The following LINGO3 variants were observed in gnomAD, a reference collection of about 807,000 sequenced individuals.
The protein encoded by LINGO3 is leucine-rich repeat and immunoglobulin-like domain-containing nogo receptor-interacting protein 3.
For synonymous variants in LINGO3, 427 were observed against 444.2 expected, an observed-to-expected ratio of 0.96 and a Z score of 0.49; for missense variants, 750 against 867.7, an observed-to-expected ratio of 0.86 and a Z score of 1.70.
chr19:2,290,224 A>T lies in LINGO3; in HGVS notation c.1553T>A (p.Leu518Gln). 6.2e-7 allele frequency: 1 copy of T among 1,606,152 alleles called. No homozygotes were observed. Among genetic ancestry groups the T allele is most frequent in the Non-Finnish European group, 8.5e-7 (1 of 1,177,794 alleles). ...GGTGGTGAGGTCGAGCGGCGCGCGC[A>T]GGGCCGCCAGCGTCTCGTTGTGGGC... Residue 518 changes from leucine to glutamine, a missense_variant, in exon 1 of 1, where the codon CTG becomes CAG. Physicochemically the swap from Leu to Gln is moderately radical, Grantham distance 113 (BLOSUM62 -2). Coordinates refer to ENST00000585527, the Ensembl canonical transcript of LINGO3. This position sits in a 1 kb window ranked among gnomAD's most constrained non-coding sequence, Gnocchi z 6.0.
the LINGO3 span, among the ~76,000 whole-genome samples, chr19:2,304,833 G>C: frequency 6.8e-6 from 1 of 146,270 alleles, no homozygotes; most frequent in Non-Finnish European, 1.5e-5. Flanking sequence ...TCAGCCTCCT[G>C]AGAAGCTGGA....
the LINGO3 span, among the ~76,000 whole-genome samples, chr19:2,304,384 C>G: frequency 6.6e-6 from 1 of 152,160 alleles, no homozygotes; most frequent in Non-Finnish European, 1.5e-5. Flanking sequence ...TGAAGGCCTC[C>G]CCACAGCCAG....
At chr19:2,291,885 C>T (rs1331386397) in exon 1 of LINGO3, 1 of 948,214 alleles carries the variant, frequency 1.1e-6, no homozygotes, top group African/African-American at 1.7e-5. Flanking sequence ...GCGCCTCTGC[C>T]GCCAGCCCGC....
exon 1 of LINGO3, chr19:2,291,522 C>G: frequency 6.2e-7 from 1 of 1,609,272 alleles, no homozygotes; most frequent in Non-Finnish European, 8.5e-7. Flanking sequence ...CGTTCTCGCT[C>G]AGGTCCAGCT....
upstream of LINGO3, among the ~76,000 whole-genome samples, chr19:2,293,342 G>T (rs187004576): frequency 6.6e-6 from 1 of 151,102 alleles, no homozygotes; most frequent in East Asian, 2.0e-4. Flanking sequence ...GGGATTACAG[G>T]AGTGAGCCAC....
exon 1 of LINGO3, chr19:2,291,236 G>A (rs2025517379): frequency 3.7e-6 from 6 of 1,611,712 alleles, no homozygotes; most frequent in South Asian, 1.1e-5. Flanking sequence ...CAGCGCTCCA[G>A]GGTCAGCTCC....
chr19:2,299,182 C>T, the LINGO3 span, among the ~76,000 whole-genome samples: 11 of 152,168 alleles, frequency 7.2e-5, no homozygotes, highest in East Asian at 1.9e-3. Flanking sequence ...CTCCCCCACT[C>T]GACGGCCTGG....
At chr19:2,288,992 TG>T (rs2025490296), downstream of LINGO3, among the ~76,000 whole-genome samples, 1 of 150,612 alleles carries the variant, frequency 6.6e-6, no homozygotes, top group Non-Finnish European at 1.5e-5. The surrounding 1 kb of genome is among the most constrained non-coding windows in gnomAD (Gnocchi z 6.5). Context: ...GTGAGCTGTG[TG>T]TGTCCCAGAT....
exon 1 of LINGO3, chr19:2,291,758 C>T (rs2025526295): frequency 1.5e-6 from 2 of 1,379,058 alleles, no homozygotes. Context: ...AGGCTCAGGA[C>T]GCACAGCCAG....
upstream of LINGO3, among the ~76,000 whole-genome samples, chr19:2,296,997 CAGG>C: frequency 6.6e-6 from 1 of 151,690 alleles, no homozygotes; most frequent in East Asian, 2.0e-4. Context: ...GAGGCTGAGG[CAGG>C]AGAATGGCGT....
the LINGO3 span, among the ~76,000 whole-genome samples, chr19:2,301,401 C>T: frequency 7.1e-6 from 1 of 141,440 alleles, no homozygotes; most frequent in East Asian, 1.9e-4. Flanking sequence ...CCAGGAGCAC[C>T]CCCTTCCCAG....
rs775703955 is a variant in LINGO3, at chr19:2,290,787, G to A, written c.990C>T (p.Leu330=). ...GGAAGGTGCTCTCCTCCAACGTGGA[G>A]AGCAGGTTGTTGGAGAGGTTGAGCA... Residue 330 remains leucine (L), a synonymous_variant, in exon 1 of 1, where the codon CTC becomes CTT. Coordinates refer to ENST00000585527, the Ensembl canonical transcript of LINGO3. The surrounding 1 kb of genome is among the most constrained non-coding windows in gnomAD (Gnocchi z 6.0). The A allele has an allele frequency of 3.1e-6, 5 of 1,612,642 alleles. No individual in the cohort carries two copies. The highest frequency in any genetic ancestry group is 2.7e-5 in the African/African-American group (2 of 74,926).
upstream of LINGO3, among the ~76,000 whole-genome samples, chr19:2,292,226 G>A (rs1165780282): frequency 5.4e-5 from 8 of 148,658 alleles, no homozygotes; most frequent in Non-Finnish European, 1.0e-4. Context: ...TGGTTTTCAA[G>A]TAATTGTGAA....
At chr19:2,300,633 G>T in the LINGO3 span, among the ~76,000 whole-genome samples, 1 of 151,948 alleles carries the variant, frequency 6.6e-6, no homozygotes, top group South Asian at 2.1e-4. Context: ...CCCCGGCCAC[G>T]CGGAGCCAAC....
chr19:2,303,252 C>T, the LINGO3 span, among the ~76,000 whole-genome samples: 1 of 152,196 alleles, frequency 6.6e-6, no homozygotes, highest in African/African-American at 2.4e-5. Flanking sequence ...GGCGTCTTTC[C>T]CCCAGCGTCA....
chr19:2,292,041 A>G (rs1347941305), upstream of LINGO3: 3 of 455,266 alleles, frequency 6.6e-6, no homozygotes, highest in African/African-American at 6.3e-5. Context: ...ATAAAAGATG[A>G]GCCGCATGTG....
exon 1 of LINGO3, chr19:2,291,483 G>T (rs780465898): frequency 6.2e-6 from 10 of 1,612,362 alleles, no homozygotes; most frequent in East Asian, 2.2e-5. Flanking sequence ...GCAGGTTGGC[G>T]AAGGCGCCGG....
At position 2,290,438 on chromosome 19, in the gene LINGO3, G is replaced by A. The variant is rs778292411; in HGVS notation, c.1339C>T (p.Arg447Trp). ...CCCGCGCTGGTGGCCGTCACCGGCC[G>A]GTGCTGGGGGGTCACCCAGGCCACG... The change falls in exon 1 of 1, where the codon CGG becomes TGG. Residue 447 changes from arginine (R) to tryptophan (W), a missense_variant. Arg to Trp is a moderately radical substitution (Grantham distance 101, BLOSUM62 -3). Transcript: ENST00000585527. The surrounding 1 kb of genome is among the most constrained non-coding windows in gnomAD (Gnocchi z 6.0). The A allele has an allele frequency of 2.2e-6, 3 of 1,388,444 alleles. No individual in the cohort carries two copies. The highest frequency in any genetic ancestry group is 2.8e-6 in the Non-Finnish European group (3 of 1,078,534). The allele number at this position is 1,388,444 out of a possible 1,614,324, so 86.0% of individuals were successfully genotyped here.
Position 2,290,186 on chromosome 19 carries a change from T to G in LINGO3, c.1591A>C (p.Thr531Pro). Residue 531 changes from threonine to proline, a missense_variant, in exon 1 of 1, where the codon ACC (threonine) becomes CCC (proline). Coordinates refer to ENST00000585527, the Ensembl canonical transcript of LINGO3. This position sits in a 1 kb window ranked among gnomAD's most constrained non-coding sequence, Gnocchi z 6.0. Reference sequence around the variant, plus strand: ...AGGAAGGTGATGCAGCCCATGGCGGTGGACACCAGGATGGTGGTGAGGTCG... The same window carrying G: ...AGGAAGGTGATGCAGCCCATGGCGGGGGACACCAGGATGGTGGTGAGGTCG... The G allele has an allele frequency of 6.2e-7, 1 of 1,611,434 alleles. No homozygotes were observed. Among genetic ancestry groups the G allele is most frequent in the Non-Finnish European group, 8.5e-7 (1 of 1,179,398 alleles).
Sources: gnomAD v4.1 joint callset for allele counts (sites outside exome capture counted in the v4.1 genomes callset) on GRCh38, gnomAD v4.1.1 for gene constraint, Gnocchi (gnomAD v3.1) non-coding constraint, MANE v1.5 for transcripts, NCBI Gene and HGNC (gene_info 2026-07-23, HGNC 2026-07-21) for gene names.